NME8: variants seen among roughly 807,000 people sequenced by gnomAD.
NME8 encodes the protein protein NME8.
A neutral mutation model predicts 82.3 loss-of-function variants in NME8; 72 were observed. The ratio of observed to expected loss-of-function variants is 0.87; its 90% CI spans 0.72 to 1.06. The LOEUF (loss-of-function observed/expected upper bound fraction) is 1.06. Among genes scored for constraint, NME8 ranks in the 50% least tolerant of loss-of-function variants. The pLI, the probability that NME8 is intolerant of heterozygous loss-of-function variation, is 0.00. For missense variants in NME8, 712 were observed against 685.4 expected (o/e 1.04, Z -0.43); for synonymous variants, 267 against 228.5 (o/e 1.17, Z -1.52).
At chr7:37,860,518 T>C (rs181741786) in intron 6 of NME8, among the ~76,000 whole-genome samples, 181 of 152,312 alleles carry the variant, frequency 1.2e-3, no homozygotes, top group Non-Finnish European at 1.2e-3. Flanking sequence ...GACTTGGTTT[T>C]CCTTTCACCT....
intron 12 of NME8, among the ~76,000 whole-genome samples, chr7:37,882,899 T>C (rs1784985229): frequency 6.6e-6 from 1 of 152,208 alleles, no homozygotes; most frequent in Non-Finnish European, 1.5e-5. Context: ...TTTATTATTA[T>C]ATTCATCATG....
At position 37,863,443 on chromosome 7, in the gene NME8, A is replaced by G. The variant is rs1339492791; in HGVS notation, c.435A>G (p.Glu145=). ...ACTCAGATTCAGAAGTTAGTGAAGA[A>G]TCACCATGTGAAAGTGTTCGTAAGT... is the stretch of plus-strand genomic sequence containing the variant. ...LVDSDSEVSE[E]SPCESVQELY... The change falls in exon 8 of 18, where the codon GAA becomes GAG. Residue 145 remains glutamate (E), a synonymous_variant. Transcript: ENST00000199447. 6.3e-7 allele frequency: 1 copy of G among 1,599,776 alleles called. No homozygotes were observed. The highest frequency in any genetic ancestry group is 1.7e-5 in the Admixed American group (1 of 59,992).
Position 37,857,291 on chromosome 7 carries a change from T to C in NME8, c.216T>C (p.Ile72=), listed in dbSNP as rs1458007279. The C allele has an allele frequency of 6.2e-7, 1 of 1,611,370 alleles. No homozygotes were observed. Among genetic ancestry groups the C allele is most frequent in the African/African-American group, 1.3e-5 (1 of 74,862 alleles). Residue 72 remains isoleucine (I), a synonymous_variant, in exon 6 of 18, where the codon ATT becomes ATC. Transcript: ENST00000199447. ...TTTTCCAGGCAGAAGCTGACAACAT[T>C]GTGACTTTGCAGCCATTTAGAGATA... ...LHFAVAEADN[I]VTLQPFRDKC...
chr7:37,867,946 T>A, intron 11 of NME8, 48 bp downstream of exon 11: 1 of 1,538,310 alleles, frequency 6.5e-7, no homozygotes, highest in Non-Finnish European at 9.0e-7. Flanking sequence ...TGTTATTGGG[T>A]AATGAAGCGT....
At chr7:37,893,895 G>A (rs954479368) in intron 15 of NME8, among the ~76,000 whole-genome samples, 2 of 152,204 alleles carry the variant, frequency 1.3e-5, no homozygotes, top group African/African-American at 4.8e-5. Flanking sequence ...TAATCATATT[G>A]CCTTTAGCTC....
chr7:37,893,344 G>A (rs529415375), intron 15 of NME8, among the ~76,000 whole-genome samples: 3 of 152,202 alleles, frequency 2.0e-5, no homozygotes, highest in South Asian at 2.1e-4. Context: ...GGAAATTATC[G>A]TTTTAGAGCA....
At chr7:37,870,423 G>A (rs1583633682) in intron 11 of NME8, among the ~76,000 whole-genome samples, 1 of 151,300 alleles carries the variant, frequency 6.6e-6, no homozygotes, top group South Asian at 2.1e-4. Flanking sequence ...ACCCAGTCTC[G>A]ACTAAAAACA....
At chr7:37,876,612 A>G (rs1784856564) in intron 11 of NME8, among the ~76,000 whole-genome samples, 1 of 152,180 alleles carries the variant, frequency 6.6e-6, no homozygotes, top group Non-Finnish European at 1.5e-5. Context: ...TCAAACATAG[A>G]TAATATCATG....
At chr7:37,897,495 A>C (rs1362111110) in intron 17 of NME8, among the ~76,000 whole-genome samples, 1 of 152,192 alleles carries the variant, frequency 6.6e-6, no homozygotes, top group Non-Finnish European at 1.5e-5. Context: ...GAATGGCCAA[A>C]GTTTCTTTCT....
intron 11 of NME8, among the ~76,000 whole-genome samples, chr7:37,873,349 G>C (rs1196777427): frequency 1.7e-5 from 2 of 114,762 alleles, no homozygotes; most frequent in Admixed American, 1.2e-4. Flanking sequence ...GACTGAGTGA[G>C]ACTCTGTCTC....
At chr7:37,890,867 A>C (rs1785119865) in intron 15 of NME8, among the ~76,000 whole-genome samples, 1 of 151,982 alleles carries the variant, frequency 6.6e-6, no homozygotes, top group Non-Finnish European at 1.5e-5. Flanking sequence ...ATTTAGGTTG[A>C]TTCCAAATCT....
rs199621229 is a variant in NME8, at chr7:37,896,968, C to T, written c.1643C>T (p.Ser548Phe). The part of the protein sequence containing the change: ...PTDPEEAKLL[S>F]PDSIRAQFGI... The stretch of plus-strand genomic sequence containing the variant: ...GACCCAGAAGAAGCAAAATTACTTT[C>T]CCCTGACTCCATCCGAGCCCAGTTT... The change falls in exon 17 of 18, where the codon TCC becomes TTC. Residue 548 changes from serine (S) to phenylalanine (F), a missense_variant. By Grantham distance (155) the Ser-to-Phe change is radical. Transcript: ENST00000199447. 1.1e-4 allele frequency: 172 copies of T among 1,613,748 alleles called. No homozygotes were observed. Among genetic ancestry groups the T allele is most frequent in the Non-Finnish European group, 1.3e-4 (151 of 1,179,884 alleles).
Position 37,876,225 on chromosome 7 carries a change from TATATATAGATAG to T in NME8, c.819-603_819-592del, listed in dbSNP as rs900438826. On this transcript the variant is annotated intron_variant, in intron 11 of 17. Coordinates refer to ENST00000199447, the MANE Select transcript of NME8 (RefSeq NM_016616.5). Reference sequence around the variant, plus strand: ...CCATCTCAAAAAAACACTATATATATATATATAGATAGATAGATAGATAGATAGATAGATAAT... The same window carrying T: ...CCATCTCAAAAAAACACTATATATATATAGATAGATAGATAGATAGATAAT... Among the ~76,000 whole-genome samples the T allele has an allele frequency of 1.5e-3, 196 of 128,888 alleles. 4 individuals are homozygous for T. The South Asian group carries it at 0.038, about 25-fold the overall frequency. The allele number at this position is 128,888 out of a possible 152,430, so 84.6% of individuals were successfully genotyped here. A position where few individuals can be genotyped will look rare whatever the true frequency, so the allele number is the denominator to read the frequency against.
chr7:37,878,707 T>A (rs1297984859), intron 12 of NME8, among the ~76,000 whole-genome samples: 1 of 152,196 alleles, frequency 6.6e-6, no homozygotes, highest in Non-Finnish European at 1.5e-5. Flanking sequence ...GTTTTAGATT[T>A]ACAGAAAAAT....
chr7:37,896,697 A>G, intron 16 of NME8, 173 bp from the exon 17 acceptor site: 1 of 635,106 alleles, frequency 1.6e-6, no homozygotes, highest in East Asian at 2.7e-5. Context: ...CCTAGCATAT[A>G]AACCTATTAG....
intron 8 of NME8, among the ~76,000 whole-genome samples, chr7:37,863,857 G>A (rs561860416): frequency 2.0e-5 from 3 of 152,310 alleles, no homozygotes; most frequent in Admixed American, 6.5e-5. Flanking sequence ...TCTGCATTGG[G>A]GTAGTGGGGT....
chr7:37,864,345 C>A lies in NME8; in HGVS notation c.455-3C>A. ...TTCTGTCTTTTTCTAAATTTTTTTC[C>A]AGAGGAATTATACAGTATTGCTATT... On this transcript the variant is annotated splice_polypyrimidine_tract_variant and splice_region_variant and intron_variant, in intron 8 of 17. Transcript: ENST00000199447. 1 of 1,593,800 alleles carries A rather than the reference C, an allele frequency of 6.3e-7. No individual in the cohort carries two copies. The highest frequency in any genetic ancestry group is 8.6e-7 in the Non-Finnish European group (1 of 1,165,230).
intron 7 of NME8, 112 bp downstream of exon 7, chr7:37,862,256 C>A: frequency 1.3e-6 from 1 of 744,114 alleles, no homozygotes; most frequent in Non-Finnish European, 2.4e-6. Flanking sequence ...TACTTTATGT[C>A]TTTTAATTTT....
chr7:37,887,093 T>C (rs1785053000), intron 14 of NME8, among the ~76,000 whole-genome samples: 1 of 152,164 alleles, frequency 6.6e-6, no homozygotes, highest in Non-Finnish European at 1.5e-5. Flanking sequence ...CATTATTTGC[T>C]ACTGAAATAT....
Sources: gnomAD v4.1 joint callset for allele counts (sites outside exome capture counted in the v4.1 genomes callset) on GRCh38, gnomAD v4.1.1 for gene constraint, MANE v1.5 for transcripts, NCBI Gene and HGNC (gene_info 2026-07-23, HGNC 2026-07-21) for gene names.